PMFBP1: variants seen among roughly 807,000 people sequenced by gnomAD.
The protein encoded by PMFBP1 is polyamine-modulated factor 1-binding protein 1.
PMFBP1 carries 131 observed loss-of-function variants against 137.8 expected under a neutral mutation model. That is an observed-to-expected ratio of 0.95 (90% CI 0.82 to 1.10). PMFBP1 has a LOEUF of 1.10. Ranked by LOEUF, PMFBP1 falls within the 50% of genes least tolerant of loss-of-function variation. The pLI, the probability that PMFBP1 is intolerant of heterozygous loss-of-function variation, is 0.00. For synonymous variants in PMFBP1, 490 were observed against 450.4 expected, an observed-to-expected ratio of 1.09 and a Z score of -1.11; for missense variants, 1,199 against 1,175.4, an observed-to-expected ratio of 1.02 and a Z score of -0.29.
In PMFBP1 at chr16:72,119,351, G is replaced by GA; in HGVS notation, c.3010dup (p.Ser1004PhefsTer24). 1 of 1,614,162 alleles carries GA rather than the reference G, an allele frequency of 6.2e-7. No individual in the cohort carries two copies. Among genetic ancestry groups the GA allele is most frequent in the Non-Finnish European group, 8.5e-7 (1 of 1,179,990 alleles). On this transcript the variant is annotated frameshift_variant, in exon 21 of 21. Coordinates refer to ENST00000237353, the MANE Select transcript of PMFBP1 (RefSeq NM_031293.3). LOFTEE classifies it high-confidence loss of function. Reference sequence around the variant, plus strand: ...TAGATGTGGATTCTAGCAGTATGAGGAACCTGAGGGAACAGGGAGGAAATG... The same window carrying GA: ...TAGATGTGGATTCTAGCAGTATGAGGAAACCTGAGGGAACAGGGAGGAAATG...
the PMFBP1 span, among the ~76,000 whole-genome samples, chr16:72,222,533 G>A: frequency 1.3e-5 from 2 of 152,154 alleles, no homozygotes; most frequent in Non-Finnish European, 2.9e-5. Flanking sequence ...CTGCAAATGT[G>A]AGGGTCACTG....
upstream of PMFBP1, among the ~76,000 whole-genome samples, chr16:72,180,825 C>A (rs1357979620): frequency 6.6e-6 from 1 of 152,214 alleles, no homozygotes; most frequent in Non-Finnish European, 1.5e-5. Context: ...AGGGAGGAAA[C>A]CCCAGTGCTC....
chr16:72,168,509 A>G (rs1477044152), intron 2 of PMFBP1, among the ~76,000 whole-genome samples: 1 of 152,230 alleles, frequency 6.6e-6, no homozygotes, highest in Non-Finnish European at 1.5e-5. Flanking sequence ...TGCAATAGGG[A>G]TAGATTTAAT....
intron 16 of PMFBP1, 104 bp from the exon 17 acceptor site, chr16:72,125,038 G>A: frequency 6.9e-7 from 1 of 1,452,634 alleles, no homozygotes; most frequent in Non-Finnish European, 9.4e-7. Flanking sequence ...TACGTGTTGG[G>A]GGTATTTTCT....
At chr16:72,233,211 T>G in the PMFBP1 span, among the ~76,000 whole-genome samples, 4 of 152,126 alleles carry the variant, frequency 2.6e-5, no homozygotes, top group Admixed American at 6.5e-5. Flanking sequence ...AAAAATTATA[T>G]GTACACATAC....
chr16:72,134,490 G>A (rs528911619), intron 9 of PMFBP1, among the ~76,000 whole-genome samples: 1 of 152,272 alleles, frequency 6.6e-6, no homozygotes, highest in East Asian at 1.9e-4. Context: ...AGCTAGAGAG[G>A]GGGATCTTAA....
chr16:72,173,345 G>A (rs2043238301), upstream of PMFBP1, among the ~76,000 whole-genome samples: 1 of 152,210 alleles, frequency 6.6e-6, no homozygotes. Flanking sequence ...AAGCCCACTG[G>A]ATAGTCAGGA....
upstream of PMFBP1, among the ~76,000 whole-genome samples, chr16:72,179,079 C>T (rs1478022830): frequency 2.0e-5 from 3 of 152,208 alleles, no homozygotes; most frequent in African/African-American, 7.2e-5. Context: ...CTCTCCCCAA[C>T]CCAGCCCTCC....
chr16:72,166,572 C>G (rs2043148347), intron 2 of PMFBP1, among the ~76,000 whole-genome samples: 1 of 152,118 alleles, frequency 6.6e-6, no homozygotes, highest in Non-Finnish European at 1.5e-5. Context: ...GAAACACTCC[C>G]AAGAAAAACC....
intron 5 of PMFBP1, among the ~76,000 whole-genome samples, chr16:72,148,341 C>T (rs1301727907): frequency 8.0e-6 from 1 of 125,042 alleles, no homozygotes; most frequent in Non-Finnish European, 1.6e-5. Flanking sequence ...GGATACGGGG[C>T]AGGGAACATC....
At chr16:72,169,965 CA>C (rs1360007514) in intron 2 of PMFBP1, among the ~76,000 whole-genome samples, 2 of 151,998 alleles carry the variant, frequency 1.3e-5, no homozygotes, top group Non-Finnish European at 2.9e-5. Flanking sequence ...ATACATATGA[CA>C]TATGTTGGAG....
In PMFBP1 at chr16:72,119,297, G is replaced by A; in HGVS notation, c.*41C>T. 6.2e-7 allele frequency: 1 copy of A among 1,601,716 alleles called. No homozygotes were observed. Among genetic ancestry groups the A allele is most frequent in the Non-Finnish European group, 8.6e-7 (1 of 1,168,754 alleles). ...GGCTGGGAACTCACTGTCCTCTGAA[G>A]AAACACCCGTGGAAATGCTGCTCAG... On this transcript the variant is annotated 3_prime_UTR_variant, in exon 21 of 21. Coordinates refer to ENST00000237353, the MANE Select transcript of PMFBP1 (RefSeq NM_031293.3).
the PMFBP1 span, among the ~76,000 whole-genome samples, chr16:72,212,489 A>C: frequency 6.6e-6 from 1 of 151,978 alleles, no homozygotes; most frequent in Non-Finnish European, 1.5e-5. Context: ...ATTGGAAAAA[A>C]AAAAAAAAAA....
chr16:72,128,293 C>A (rs1283120405), intron 14 of PMFBP1: 1 of 1,000,082 alleles, frequency 1.0e-6, no homozygotes, highest in Non-Finnish European at 1.3e-6. Context: ...ATAACTGTCC[C>A]CCCTTTCATC....
chr16:72,165,873 T>C (rs2043138253), intron 2 of PMFBP1, among the ~76,000 whole-genome samples: 1 of 152,064 alleles, frequency 6.6e-6, no homozygotes. Flanking sequence ...ATAAATAGAA[T>C]GTGTGGGGCA....
the PMFBP1 span, among the ~76,000 whole-genome samples, chr16:72,199,768 G>C: frequency 3.9e-5 from 6 of 152,234 alleles, no homozygotes; most frequent in East Asian, 9.6e-4. Context: ...AGTGATAGAG[G>C]GGGGAATGTA....
the PMFBP1 span, among the ~76,000 whole-genome samples, chr16:72,239,367 G>C: frequency 6.6e-6 from 1 of 152,056 alleles, no homozygotes; most frequent in Non-Finnish European, 1.5e-5. Context: ...TTTTGTTAAG[G>C]CTTTTTACAT....
At chr16:72,135,206 C>T (rs569853974) in intron 9 of PMFBP1, among the ~76,000 whole-genome samples, 3 of 152,086 alleles carry the variant, frequency 2.0e-5, no homozygotes, top group Admixed American at 6.5e-5. Flanking sequence ...GACAGAGTTT[C>T]GCTCTTGTTG....
At chr16:72,200,087 C>T in the PMFBP1 span, among the ~76,000 whole-genome samples, 1 of 152,240 alleles carries the variant, frequency 6.6e-6, no homozygotes, top group Non-Finnish European at 1.5e-5. Context: ...GCACACAAGG[C>T]TCTGTGCCCG....
Sources: allele counts gnomAD v4.1 joint callset (sites outside exome capture counted in the v4.1 genomes callset), GRCh38; gene constraint gnomAD v4.1.1; transcripts MANE v1.5; gene names NCBI Gene and HGNC (gene_info 2026-07-23, HGNC 2026-07-21).